CACNA1S: variants seen among roughly 807,000 people sequenced by gnomAD.
CACNA1S encodes the protein calcium voltage-gated channel subunit alpha1 S.
A neutral mutation model predicts 207.4 loss-of-function variants in CACNA1S; 126 were observed. The observed-to-expected ratio is 0.61, with a 90% confidence interval of 0.53 to 0.70. The LOEUF is 0.70. CACNA1S is among the 30% of genes least tolerant of loss of function. CACNA1S has a pLI of 0.00. For synonymous variants in CACNA1S, 960 were observed against 932.7 expected, an observed-to-expected ratio of 1.03 and a Z score of -0.53; for missense variants, 2,349 against 2,422.8, an observed-to-expected ratio of 0.97 and a Z score of 0.64.
chr1:201,085,421 C>G lies in CACNA1S; in HGVS notation c.1150+15G>C. The G allele has an allele frequency of 3.1e-6, 5 of 1,613,788 alleles. No homozygotes were observed. Among genetic ancestry groups the G allele is most frequent in the Non-Finnish European group, 3.4e-6 (4 of 1,179,982 alleles). ...AGAGTGGGGTGAGTGCTGACCACAGCCTTTGGGCCCAAACCTTCTCTGAAG... is the reference window on the plus strand; with the variant it reads ...AGAGTGGGGTGAGTGCTGACCACAGGCTTTGGGCCCAAACCTTCTCTGAAG... On this transcript the variant is annotated intron_variant, in intron 8 of 43. Transcript: ENST00000362061.
chr1:201,054,412 C>T, intron 29 of CACNA1S, 93 bp downstream of exon 29: 1 of 1,324,102 alleles, frequency 7.6e-7, no homozygotes, highest in Non-Finnish European at 1.1e-6. Flanking sequence ...TGCTGATCCA[C>T]CCCATGCAAT....
rs374324813 is a variant in CACNA1S at position 201,093,944 on chromosome 1, G to T, written c.336C>A (p.Phe112Leu). ...AMKIIAYGFL[F>L]HQDAYLRSGW... ...CACTGCGCAGGTAAGCGTCCTGGTGGAATAAGAAGCCGTAGGCAATGATCT... is the reference window on the plus strand; with the variant it reads ...CACTGCGCAGGTAAGCGTCCTGGTGTAATAAGAAGCCGTAGGCAATGATCT... The change falls in exon 3 of 44, where the codon TTC (phenylalanine) becomes TTA (leucine). Residue 112 changes from phenylalanine to leucine, a missense_variant. Coordinates refer to ENST00000362061, the MANE Select transcript of CACNA1S (RefSeq NM_000069.3). 2 of 1,614,158 alleles carry T rather than the reference G, an allele frequency of 1.2e-6. No individual in the cohort carries two copies. Among genetic ancestry groups the T allele is most frequent in the South Asian group, 2.2e-5 (2 of 91,084 alleles).
intron 1 of CACNA1S, among the ~76,000 whole-genome samples, chr1:201,111,588 C>T (rs1411616979): frequency 6.6e-6 from 1 of 152,168 alleles, no homozygotes; most frequent in Non-Finnish European, 1.5e-5. Flanking sequence ...CTCCCCTTGG[C>T]TCTGTCCTCA....
intron 5 of CACNA1S, among the ~76,000 whole-genome samples, 182 bp downstream of exon 5, chr1:201,091,458 C>T (rs1662229563): frequency 6.6e-6 from 1 of 152,202 alleles, no homozygotes; most frequent in Non-Finnish European, 1.5e-5. Context: ...TTTCTTGGCT[C>T]ACTGACTCCA....
intron 18 of CACNA1S, 136 bp from the exon 19 acceptor site, chr1:201,069,332 GC>G: frequency 7.1e-7 from 1 of 1,414,516 alleles, no homozygotes; most frequent in Non-Finnish European, 9.9e-7. Context: ...AGTGGAGTGG[GC>G]AGTCCTATCC....
chr1:201,061,848 T>A, intron 24 of CACNA1S, 96 bp downstream of exon 24: 14 of 1,382,232 alleles, frequency 1.0e-5, no homozygotes, highest in Non-Finnish European at 1.4e-5. Flanking sequence ...CTGCCACAGG[T>A]AGCAGTAGCA....
rs1411108885 is a variant in CACNA1S, at chr1:201,078,020, A to G, written c.1478T>C (p.Met493Thr). The G allele has an allele frequency of 3.7e-6, 6 of 1,614,174 alleles. No individual in the cohort carries two copies. The highest frequency in any genetic ancestry group is 2.7e-5 in the African/African-American group (2 of 75,054). The change falls in exon 11 of 44, where the codon ATG becomes ACG. Residue 493 changes from methionine (M) to threonine (T), a missense_variant. By Grantham distance (81) the Met-to-Thr change is moderately conservative (BLOSUM62 -1). Transcript: ENST00000362061. ...MYGLGLRQYF[M>T]SIFNRFDCFV... ...GCAGTCGAAGCGGTTGAAGATAGAC[A>G]TGAAGTACTGGCGCAGGCCCAGCCC...
chr1:201,075,588 T>G lies in CACNA1S; in HGVS notation c.1855A>C (p.Met619Leu). 2.5e-6 allele frequency: 4 copies of G among 1,614,140 alleles called. No individual in the cohort carries two copies. The highest frequency in any genetic ancestry group is 3.4e-6 in the Non-Finnish European group (4 of 1,179,970). ...TAGGCCATGATCCCATTGTACATCA[T>G]TGAGGTCCAGTCTTCCCCTGTCAGT... is the stretch of plus-strand genomic sequence containing the variant. The part of the protein sequence containing the change: ...QVLTGEDWTS[M>L]MYNGIMAYGG... Residue 619 changes from methionine (M) to leucine (L), a missense_variant, in exon 13 of 44, where the codon ATG becomes CTG. Physicochemically the swap from Met to Leu is conservative, Grantham distance 15. Coordinates refer to ENST00000362061, the MANE Select transcript of CACNA1S (RefSeq NM_000069.3).
intron 19 of CACNA1S, 21 bp from the exon 20 acceptor site, chr1:201,067,014 G>A: frequency 6.5e-7 from 1 of 1,544,406 alleles, no homozygotes; most frequent in Non-Finnish European, 8.9e-7. Context: ...AGAGGCAGCA[G>A]CCTGGATGGA....
chr1:201,065,027 G>C (rs1269877695), intron 22 of CACNA1S, among the ~76,000 whole-genome samples: 1 of 152,240 alleles, frequency 6.6e-6, no homozygotes, highest in Non-Finnish European at 1.5e-5. Flanking sequence ...AGGGTGGGAA[G>C]GGAGAAGAAT....
chr1:201,088,601 G>T (rs1435001494), intron 6 of CACNA1S, among the ~76,000 whole-genome samples: 1 of 152,214 alleles, frequency 6.6e-6, no homozygotes, highest in African/African-American at 2.4e-5. Context: ...TGGCTCTGTT[G>T]CTCACTAAGT....
rs1420388292 is a variant in CACNA1S, at chr1:201,112,308, A to C, written c.32T>G (p.Leu11Arg). The change falls in exon 1 of 44, where the codon CTG (leucine) becomes CGG (arginine). Residue 11 changes from leucine to arginine, a missense_variant. By Grantham distance (102) the Leu-to-Arg change is moderately radical. Coordinates refer to ENST00000362061, the MANE Select transcript of CACNA1S (RefSeq NM_000069.3). ...TGGCTTCTTGGGCTGTTTCTTCCTC[A>C]GGCCTTCATCCTGGGGTGAGGATGG... MEPSSPQDEG[L>R]RKKQPKKPVP... 11 of 1,613,278 alleles carry C rather than the reference A, an allele frequency of 6.8e-6. No individual in the cohort carries two copies. The African/African-American group carries it at 8.0e-5, about 12-fold the overall frequency.
intron 7 of CACNA1S, among the ~76,000 whole-genome samples, chr1:201,086,031 A>G (rs769316856): frequency 6.6e-6 from 1 of 152,060 alleles, no homozygotes; most frequent in East Asian, 1.9e-4. Flanking sequence ...ACTCCAAGGA[A>G]CCAGTTGGCA....
Position 201,101,274 on chromosome 1 carries a change from G to A in CACNA1S, c.259-7253C>T, listed in dbSNP as rs553871196. Among the ~76,000 whole-genome samples, 169 of 152,294 alleles carry A rather than the reference G, an allele frequency of 1.1e-3. 1 individual carries two copies. The highest frequency in any genetic ancestry group is 2.1e-3 in the Non-Finnish European group (143 of 68,020). On this transcript the variant is annotated intron_variant, in intron 2 of 43. Coordinates refer to ENST00000362061, the MANE Select transcript of CACNA1S (RefSeq NM_000069.3). Reference sequence around the variant, plus strand: ...AATCCAGGGACCTTTCCACACAGGAGGTTCTCTGGGGTTCCATCCCGGAGG... The same window carrying A: ...AATCCAGGGACCTTTCCACACAGGAAGTTCTCTGGGGTTCCATCCCGGAGG...
intron 28 of CACNA1S, among the ~76,000 whole-genome samples, chr1:201,055,587 G>T (rs951217429): frequency 6.6e-6 from 1 of 152,174 alleles, no homozygotes; most frequent in Non-Finnish European, 1.5e-5. Flanking sequence ...CAGAAATTTG[G>T]TTCCTCAGTT....
chr1:201,062,682 C>A (rs977938572), intron 22 of CACNA1S, among the ~76,000 whole-genome samples, 168 bp from the exon 23 acceptor site: 1 of 152,250 alleles, frequency 6.6e-6, no homozygotes, highest in African/African-American at 2.4e-5. Flanking sequence ...GCCCTTGGGG[C>A]AGGGCCCCAG....
intron 6 of CACNA1S, 69 bp downstream of exon 6, chr1:201,089,185 GCCCT>G: frequency 6.9e-7 from 1 of 1,457,230 alleles, no homozygotes; most frequent in Non-Finnish European, 9.6e-7. Flanking sequence ...GGACTGGCAA[GCCCT>G]CCCTCCCCAC....
At position 201,043,471 on chromosome 1, in the gene CACNA1S, G is replaced by A; in HGVS notation, c.4858C>T (p.Pro1620Ser). ...AGGGGTCTCTGATTGGCCATGACGG[G>A]GGGCAGGGAGTTGGTCCTTTCCAGG... ...NFLERTNSLP[P>S]VMANQRPLQF... The change falls in exon 40 of 44, where the codon CCC becomes TCC. Residue 1620 changes from proline (P) to serine (S), a missense_variant. Pro to Ser is a moderately conservative substitution (Grantham distance 74, BLOSUM62 -1). Transcript: ENST00000362061. The A allele has an allele frequency of 6.2e-7, 1 of 1,614,036 alleles. No homozygotes were observed. Among genetic ancestry groups the A allele is most frequent in the Non-Finnish European group, 8.5e-7 (1 of 1,180,004 alleles).
At chr1:201,082,854 G>C (rs577124120) in intron 10 of CACNA1S, among the ~76,000 whole-genome samples, 1 of 152,148 alleles carries the variant, frequency 6.6e-6, no homozygotes, top group Non-Finnish European at 1.5e-5. Context: ...TCTGTGATTG[G>C]AATAATCTGC....
Sources: allele counts gnomAD v4.1 joint callset (sites outside exome capture counted in the v4.1 genomes callset), GRCh38; gene constraint gnomAD v4.1.1; transcripts MANE v1.5; gene names NCBI Gene and HGNC (gene_info 2026-07-23, HGNC 2026-07-21).